Variants in PDE11A observed in about 807,000 individuals in gnomAD.
PDE11A encodes the protein phosphodiesterase 11A.
Under a neutral mutation model 100.5 loss-of-function variants are expected in PDE11A, and 100 were observed. That is an observed-to-expected ratio of 1.00 (90% confidence interval 0.85 to 1.18). The LOEUF (loss-of-function observed/expected upper bound fraction) is 1.18. PDE11A is among the 50% of genes most tolerant of loss of function. PDE11A has a pLI of 0.00. For missense variants in PDE11A, 1,141 were observed against 1,152.6 expected, an observed-to-expected ratio of 0.99 and a Z score of 0.15; for synonymous variants, 381 against 420.8, an observed-to-expected ratio of 0.91 and a Z score of 1.16.
intron 6 of PDE11A, among the ~76,000 whole-genome samples, chr2:177,838,924 T>A (rs2083445700): frequency 6.6e-6 from 1 of 152,116 alleles, no homozygotes; most frequent in South Asian, 2.1e-4. Context: ...TAGAGGGTAG[T>A]CAGTGTTAGG....
At chr2:177,798,426 T>C (rs1237533951) in intron 9 of PDE11A, among the ~76,000 whole-genome samples, 1 of 152,240 alleles carries the variant, frequency 6.6e-6, no homozygotes, top group Non-Finnish European at 1.5e-5. Context: ...AATCGAGTTC[T>C]TGGCACATAA....
chr2:177,734,771 G>A (rs1209479124), intron 10 of PDE11A, among the ~76,000 whole-genome samples: 2 of 152,214 alleles, frequency 1.3e-5, no homozygotes, highest in African/African-American at 4.8e-5. Flanking sequence ...GCCTAGCACA[G>A]TGCTTGGAAA....
At chr2:177,924,728 C>CTT (rs71410770) in intron 2 of PDE11A, among the ~76,000 whole-genome samples, 74 of 143,468 alleles carry the variant, frequency 5.2e-4, no homozygotes, top group Admixed American at 9.9e-4. Flanking sequence ...GTTAAGCTTT[C>CTT]TTTTTTTTTT....
intron 6 of PDE11A, among the ~76,000 whole-genome samples, chr2:177,820,829 T>C (rs756713137): frequency 2.1e-5 from 3 of 140,412 alleles, no homozygotes; most frequent in Non-Finnish European, 4.6e-5. Context: ...AGGTAGAGGT[T>C]TGAATATTTT....
intron 10 of PDE11A, among the ~76,000 whole-genome samples, chr2:177,766,038 C>T (rs908122889): frequency 2.0e-5 from 3 of 152,082 alleles, no homozygotes; most frequent in African/African-American, 7.2e-5. Flanking sequence ...CTAGTCTGGT[C>T]GGGTATAATC....
At chr2:178,073,909 GTT>G (rs796149790), upstream of PDE11A, among the ~76,000 whole-genome samples, 3 of 143,106 alleles carry the variant, frequency 2.1e-5, no homozygotes, top group African/African-American at 5.1e-5. Flanking sequence ...ATGTGTCAGG[GTT>G]TTTTTTTTTT....
In PDE11A at chr2:177,629,361, G is replaced by A. The variant is rs144879131; in HGVS notation, c.*46C>T. ...GGATGACATTGCTGGACTGAAAATG[G>A]CCCTTCAGGCTGTAGTCATTTTGCA... On this transcript the variant is annotated 3_prime_UTR_variant, in exon 20 of 20. Transcript: ENST00000286063. 4.6e-4 allele frequency: 710 copies of A among 1,553,120 alleles called. 2 individuals are homozygous for A. The African/African-American group carries it at 8.8e-3, about 19-fold the overall frequency.
chr2:177,944,822 C>CTCTCCCTCTCCG (rs2085385951), intron 2 of PDE11A, among the ~76,000 whole-genome samples: 1 of 128,852 alleles, frequency 7.8e-6, no homozygotes, highest in African/African-American at 2.7e-5. Context: ...CTCCCTCTCC[C>CTCTCCCTCTCCG]TCTCCCTCTC....
At chr2:178,105,431 C>T (rs1484020950) in intron 1 of PDE11A, among the ~76,000 whole-genome samples, 2 of 152,022 alleles carry the variant, frequency 1.3e-5, no homozygotes, top group Admixed American at 1.3e-4. Flanking sequence ...TGCACTCCAG[C>T]CTGGGTGACA....
chr2:177,756,801 G>A (rs2082096838), intron 10 of PDE11A, among the ~76,000 whole-genome samples: 1 of 152,222 alleles, frequency 6.6e-6, no homozygotes, highest in Non-Finnish European at 1.5e-5. Flanking sequence ...AATCATACCT[G>A]CTCAAGCAAT....
intron 3 of PDE11A, 34 bp from the exon 4 acceptor site, chr2:177,898,232 T>A: frequency 6.6e-7 from 1 of 1,512,462 alleles, no homozygotes; most frequent in Non-Finnish European, 9.1e-7. Flanking sequence ...TATAAGTGGA[T>A]GTAAAACTGA....
At chr2:177,722,260 T>C (rs2081540694) in intron 12 of PDE11A, among the ~76,000 whole-genome samples, 4 of 152,190 alleles carry the variant, frequency 2.6e-5, no homozygotes, top group Admixed American at 2.6e-4. Context: ...ATTATGTTCA[T>C]ACACTTTTAC....
At position 177,769,577 on chromosome 2, in the gene PDE11A, A is replaced by G. The variant is rs1358745750; in HGVS notation, c.1738-204T>C. On this transcript the variant is annotated intron_variant, in intron 9 of 19. Coordinates refer to ENST00000286063, the MANE Select transcript of PDE11A (RefSeq NM_016953.4). The stretch of plus-strand genomic sequence containing the variant: ...GAATATTTTATACCGGGATTTTTCT[A>G]TGGGTAGTTATGTCATCAAAAGGAC... Among the ~76,000 whole-genome samples, 9 of 152,154 alleles carry G rather than the reference A, an allele frequency of 5.9e-5. No homozygotes were observed. In the East Asian group the frequency reaches 1.7e-3, roughly 29 times the overall value.
chr2:178,060,390 C>T (rs1008807589), intron 1 of PDE11A, among the ~76,000 whole-genome samples: 3 of 152,224 alleles, frequency 2.0e-5, no homozygotes, highest in Non-Finnish European at 2.9e-5. Context: ...GAGATTACCT[C>T]TATCAATGTT....
At chr2:177,767,726 A>G (rs1242795625) in intron 10 of PDE11A, among the ~76,000 whole-genome samples, 1 of 152,198 alleles carries the variant, frequency 6.6e-6, no homozygotes, top group African/African-American at 2.4e-5. Context: ...TTCGAGTTCT[A>G]GAACCATTGG....
At position 177,675,050 on chromosome 2, in the gene PDE11A, A is replaced by G. The variant is rs185714522; in HGVS notation, c.2487+405T>C. Among the ~76,000 whole-genome samples, 839 of 152,212 alleles carry G rather than the reference A, an allele frequency of 5.5e-3. 5 individuals are homozygous for G. The highest frequency in any genetic ancestry group is 0.019 in the African/African-American group (789 of 41,558). ...CACAGAGGTTTCTGATATCTAAATA[A>G]TATTTAAAAAGAAAAATATAATTTC... On this transcript the variant is annotated intron_variant, in intron 17 of 19. Coordinates refer to ENST00000286063, the MANE Select transcript of PDE11A (RefSeq NM_016953.4).
At chr2:178,001,858 T>TA (rs2086149209) in intron 2 of PDE11A, among the ~76,000 whole-genome samples, 1 of 152,220 alleles carries the variant, frequency 6.6e-6, no homozygotes, top group Admixed American at 6.5e-5. Flanking sequence ...TTTGTTTAAA[T>TA]AAACATCTTT....
chr2:177,746,779 AAC>A (rs2081954700), intron 10 of PDE11A, among the ~76,000 whole-genome samples: 1 of 152,202 alleles, frequency 6.6e-6, no homozygotes. Flanking sequence ...AGTAAGCCTG[AAC>A]AGAGACTCTG....
chr2:177,776,705 C>T (rs1039543200), intron 9 of PDE11A, among the ~76,000 whole-genome samples: 26 of 151,904 alleles, frequency 1.7e-4, no homozygotes, highest in African/African-American at 5.3e-4. Context: ...AAGAGGAGTT[C>T]GGAATATGAA....
Sources: gnomAD v4.1 joint callset for allele counts (sites outside exome capture counted in the v4.1 genomes callset) on GRCh38, gnomAD v4.1.1 for gene constraint, MANE v1.5 for transcripts, NCBI Gene and HGNC (gene_info 2026-07-23, HGNC 2026-07-21) for gene names.